The following PPP2R5A variants were observed in gnomAD, a reference collection of about 807,000 sequenced individuals.
PPP2R5A encodes the protein serine/threonine-protein phosphatase 2A 56 kDa regulatory subunit alpha isoform.
Under a neutral mutation model 64.2 loss-of-function variants are expected in PPP2R5A, and 25 were observed. The observed-to-expected ratio is 0.39, with a 90% CI of 0.28 to 0.54. The LOEUF (loss-of-function observed/expected upper bound fraction) is 0.54. Among genes scored for constraint, PPP2R5A ranks in the 20% least tolerant of loss-of-function variants. PPP2R5A has a pLI of 0.67. For missense variants in PPP2R5A, 425 were observed against 576.3 expected, an observed-to-expected ratio of 0.74 and a Z score of 2.69; for synonymous variants, 198 against 201.2, an observed-to-expected ratio of 0.98 and a Z score of 0.13.
chr1:212,329,101 T>G, intron 1 of PPP2R5A, 34 bp from the exon 2 acceptor site: 1 of 1,385,940 alleles, frequency 7.2e-7, no homozygotes, highest in Non-Finnish European at 9.6e-7. Context: ...TCTGAGTAGG[T>G]TATTTCTAAG....
intron 1 of PPP2R5A, among the ~76,000 whole-genome samples, chr1:212,305,705 T>TC (rs920479648): frequency 2.1e-4 from 32 of 152,244 alleles, no homozygotes; most frequent in African/African-American, 7.7e-4. Flanking sequence ...TGTCAGTTTT[T>TC]CTTCATATAT....
chr1:212,340,107 A>G (rs1659662718), intron 3 of PPP2R5A, among the ~76,000 whole-genome samples: 1 of 151,554 alleles, frequency 6.6e-6, no homozygotes, highest in Non-Finnish European at 1.5e-5. Flanking sequence ...CAGCCTGGGC[A>G]ACGTGGTGAA....
In PPP2R5A at chr1:212,358,767, A is replaced by G; in HGVS notation, c.1308A>G (p.Ser436=). The G allele has an allele frequency of 1.2e-6, 2 of 1,611,962 alleles. No homozygotes were observed. The highest frequency in any genetic ancestry group is 2.2e-5 in the East Asian group (1 of 44,778). ...NGKLFDDLTS[S]YKAERQREKK... is the part of the protein sequence containing the mutation. ...AGCTTTTCGATGACCTTACTAGCTC[A>G]TACAAAGCTGAAAGACAGAGGTATT... Residue 436 remains serine, a synonymous_variant, in exon 12 of 13, where the codon TCA becomes TCG. Transcript: ENST00000261461.
At chr1:212,320,103 T>C (rs577170622) in intron 1 of PPP2R5A, among the ~76,000 whole-genome samples, 2 of 151,882 alleles carry the variant, frequency 1.3e-5, no homozygotes, top group South Asian at 2.1e-4. Flanking sequence ...CCTTCCGCAG[T>C]GTTTGTGTCC....
intron 1 of PPP2R5A, among the ~76,000 whole-genome samples, chr1:212,319,947 G>GTTTTTT (rs71137742): frequency 3.7e-4 from 38 of 103,318 alleles, no homozygotes; most frequent in South Asian, 6.3e-4. Flanking sequence ...CTTACAGATT[G>GTTTTTT]TTTTTTTTTT....
At chr1:212,347,443 T>G in intron 6 of PPP2R5A, 37 bp downstream of exon 6, 1 of 1,436,244 alleles carries the variant, frequency 7.0e-7, no homozygotes, top group Non-Finnish European at 9.7e-7. Context: ...AAGAATTAAG[T>G]AAGTGAATGT....
At chr1:212,351,525 C>T (rs909862450) in intron 8 of PPP2R5A, among the ~76,000 whole-genome samples, 1 of 152,072 alleles carries the variant, frequency 6.6e-6, no homozygotes, top group African/African-American at 2.4e-5. Flanking sequence ...ACCAGCCTGG[C>T]CAACATGATG....
At chr1:212,323,323 G>A (rs1186216787) in intron 1 of PPP2R5A, among the ~76,000 whole-genome samples, 3 of 152,186 alleles carry the variant, frequency 2.0e-5, no homozygotes, top group Admixed American at 2.0e-4. Flanking sequence ...TCAAAGGATT[G>A]TGTGAAATTA....
chr1:212,343,418 G>A (rs1025633877), intron 4 of PPP2R5A, among the ~76,000 whole-genome samples: 1 of 152,132 alleles, frequency 6.6e-6, no homozygotes, highest in African/African-American at 2.4e-5. Context: ...CCTTCAGACC[G>A]CTTTGTATGT....
At position 212,285,910 on chromosome 1, in the gene PPP2R5A, C is replaced by T; in HGVS notation, c.-201C>T. ...CTCGCCGCGCGCCGGGGACCAGGAA[C>T]CTCCAGCGCTGAGATGTGGCCGTGA... On this transcript the variant is annotated 5_prime_UTR_variant, in exon 1 of 13. Transcript: ENST00000261461. 2 of 452,396 alleles carry T rather than the reference C, an allele frequency of 4.4e-6. No individual in the cohort carries two copies. Among genetic ancestry groups the T allele is most frequent in the South Asian group, 6.7e-5 (1 of 14,916 alleles). 28.0% of individuals were successfully genotyped at this position (452,396 alleles called of 1,614,324 possible). A position where few individuals can be genotyped will look rare whatever the true frequency, so the allele number is the denominator to read the frequency against.
At chr1:212,357,395 C>T in intron 11 of PPP2R5A, 111 bp downstream of exon 11, 2 of 989,380 alleles carry the variant, frequency 2.0e-6, no homozygotes, top group African/African-American at 3.4e-5. Flanking sequence ...GAAGTTACTC[C>T]AAGGTTAACA....
At chr1:212,356,156 C>G (rs1281666223) in intron 8 of PPP2R5A, among the ~76,000 whole-genome samples, 1 of 152,064 alleles carries the variant, frequency 6.6e-6, no homozygotes. Flanking sequence ...GAGAAGCTGT[C>G]CAGGGTTTTT....
chr1:212,346,110 T>C (rs1659772063), intron 5 of PPP2R5A, among the ~76,000 whole-genome samples, 177 bp downstream of exon 5: 1 of 151,998 alleles, frequency 6.6e-6, no homozygotes. Flanking sequence ...CAAGCAATCT[T>C]CCTCTCTCAG....
At chr1:212,360,252 G>T (rs780588487) in intron 12 of PPP2R5A, among the ~76,000 whole-genome samples, 72 of 152,198 alleles carry the variant, frequency 4.7e-4, no homozygotes, top group Admixed American at 8.5e-4. Flanking sequence ...GTGTGGTGAA[G>T]GAAGTGCTTC....
intron 1 of PPP2R5A, among the ~76,000 whole-genome samples, chr1:212,315,239 T>C (rs1245192691): frequency 1.3e-5 from 2 of 152,204 alleles, no homozygotes; most frequent in Non-Finnish European, 2.9e-5. Context: ...GTATTTGTAT[T>C]ATGTATGATT....
chr1:212,338,744 G>A (rs186646815), intron 3 of PPP2R5A, among the ~76,000 whole-genome samples: 188 of 151,256 alleles, frequency 1.2e-3, no homozygotes, highest in African/African-American at 4.4e-3. Flanking sequence ...CCGACATTGC[G>A]CCATTGCACT....
intron 1 of PPP2R5A, among the ~76,000 whole-genome samples, chr1:212,324,489 C>G (rs1046975122): frequency 2.0e-5 from 3 of 152,140 alleles, no homozygotes; most frequent in Non-Finnish European, 4.4e-5. Flanking sequence ...GAAAAACATA[C>G]TTTCCATTTG....
intron 1 of PPP2R5A, among the ~76,000 whole-genome samples, chr1:212,290,534 T>G (rs1402609455): frequency 6.6e-6 from 1 of 152,198 alleles, no homozygotes. Context: ...ATTTAAAACA[T>G]TTTTAGGATA....
intron 1 of PPP2R5A, among the ~76,000 whole-genome samples, chr1:212,309,996 C>A (rs1658998835): frequency 6.6e-6 from 1 of 152,092 alleles, no homozygotes; most frequent in African/African-American, 2.4e-5. Flanking sequence ...GTAGTTTTCC[C>A]CCATACTTTG....
Sources: gnomAD v4.1 joint callset for allele counts (sites outside exome capture counted in the v4.1 genomes callset) on GRCh38, gnomAD v4.1.1 for gene constraint, MANE v1.5 for transcripts, NCBI Gene and HGNC (gene_info 2026-07-23, HGNC 2026-07-21) for gene names.